Variants in REEP1 observed in about 807,000 individuals in gnomAD.
The protein encoded by REEP1 is receptor accessory protein 1.
In REEP1, 22 loss-of-function variants were observed where a neutral mutation model predicts 40.3. That is an observed-to-expected ratio of 0.55 (90% CI 0.39 to 0.78). REEP1 has a LOEUF of 0.78. Among genes scored for constraint, REEP1 ranks in the 30% least tolerant of loss-of-function variants. The probability of loss-of-function intolerance (pLI) is 0.00; values close to 1 mark genes in which losing one functional copy is unlikely to be tolerated. For synonymous variants in REEP1, 116 were observed against 139.2 expected, an observed-to-expected ratio of 0.83 and a Z score of 1.17; for missense variants, 280 against 361.1, an observed-to-expected ratio of 0.78 and a Z score of 1.82.
At chr2:86,254,491 CAAAT>C (rs1676441521) in intron 4 of REEP1, among the ~76,000 whole-genome samples, 199 bp downstream of exon 4, 1 of 152,036 alleles carries the variant, frequency 6.6e-6, no homozygotes. Flanking sequence ...TAAATAATGA[CAAAT>C]AACATCTTTT....
intron 1 of REEP1, among the ~76,000 whole-genome samples, chr2:86,330,348 T>C (rs1402458071): frequency 6.6e-6 from 1 of 151,988 alleles, no homozygotes; most frequent in African/African-American, 2.4e-5. Context: ...AGAAATGGCA[T>C]GTTATCATCT....
At chr2:86,279,281 G>A (rs1245166697) in intron 2 of REEP1, among the ~76,000 whole-genome samples, 2 of 152,248 alleles carry the variant, frequency 1.3e-5, no homozygotes, top group Non-Finnish European at 2.9e-5. Context: ...CGACTGGGAA[G>A]TAGGGAAGAG....
rs1359123657 is a variant in REEP1, at chr2:86,337,610, G to A, written c.-100C>T. 2.6e-6 allele frequency: 3 copies of A among 1,132,718 alleles called. No homozygotes were observed. The highest frequency in any genetic ancestry group is 3.2e-6 in the Non-Finnish European group (3 of 924,954). The allele number at this position is 1,132,718 out of a possible 1,614,324, so 70.2% of individuals were successfully genotyped here. On this transcript the variant is annotated 5_prime_UTR_variant, in exon 1 of 9. Coordinates refer to ENST00000538924, the MANE Select transcript of REEP1 (RefSeq NM_001371279.1). The surrounding 1 kb of genome is among the most constrained non-coding windows in gnomAD (Gnocchi z 5.8). ...TTCCCGGAACGTCAGTCAGCTCACG[G>A]CAGCCGCCGCCAGACTGAGCGCGCC...
At chr2:86,232,516 C>T in intron 6 of REEP1, 109 bp downstream of exon 6, 1 of 1,320,002 alleles carries the variant, frequency 7.6e-7, no homozygotes, top group Non-Finnish European at 1.1e-6. Context: ...CCGTTGGTGG[C>T]AGGTCCGTGG....
intron 2 of REEP1, among the ~76,000 whole-genome samples, chr2:86,270,335 T>G (rs1410465532): frequency 6.6e-6 from 1 of 152,154 alleles, no homozygotes; most frequent in Non-Finnish European, 1.5e-5. Context: ...TAGCTGGGAC[T>G]ACAGGCATGC....
At chr2:86,328,548 G>A (rs908430161) in intron 1 of REEP1, among the ~76,000 whole-genome samples, 12 of 152,210 alleles carry the variant, frequency 7.9e-5, no homozygotes, top group African/African-American at 2.2e-4. Context: ...GCGTGGTGGC[G>A]GGCACCTGTA....
chr2:86,291,366 A>G (rs1489398445), intron 1 of REEP1, among the ~76,000 whole-genome samples: 1 of 152,234 alleles, frequency 6.6e-6, no homozygotes, highest in East Asian at 1.9e-4. Flanking sequence ...AACTGTTCAC[A>G]TAAACGAGGT....
chr2:86,281,030 C>T (rs146693609), intron 2 of REEP1, among the ~76,000 whole-genome samples: 6 of 152,324 alleles, frequency 3.9e-5, no homozygotes, highest in Admixed American at 6.5e-5. Flanking sequence ...CTTAGACCAG[C>T]ACTGCATCAT....
chr2:86,272,941 G>A (rs551551975), intron 2 of REEP1, among the ~76,000 whole-genome samples: 11 of 152,130 alleles, frequency 7.2e-5, no homozygotes, highest in Admixed American at 3.9e-4. Context: ...TGGGAAATGC[G>A]GTGAAACCCC....
At chr2:86,291,294 G>A (rs950389066) in intron 1 of REEP1, among the ~76,000 whole-genome samples, 2 of 152,092 alleles carry the variant, frequency 1.3e-5, no homozygotes, top group Non-Finnish European at 2.9e-5. Flanking sequence ...TTCCACTCTG[G>A]CCCTGAATTA....
chr2:86,273,550 T>C (rs1307284839), intron 2 of REEP1, among the ~76,000 whole-genome samples: 2 of 152,012 alleles, frequency 1.3e-5, no homozygotes, highest in Non-Finnish European at 2.9e-5. Context: ...TCTCCCAAAG[T>C]GCTGGGATTA....
rs180874308 is a variant in REEP1, at chr2:86,226,509, A to T, written c.631+854T>A. ...TTTTGAGACAGGGTCTTGCTCTGTC[A>T]CCCAGCTTGAGTGCAATGGCACGAT... On this transcript the variant is annotated intron_variant, in intron 7 of 8. Coordinates refer to ENST00000538924, the MANE Select transcript of REEP1 (RefSeq NM_001371279.1). Among the ~76,000 whole-genome samples the T allele has an allele frequency of 3.2e-3, 423 of 133,596 alleles. 2 individuals carry two copies. The highest frequency in any genetic ancestry group is 0.016 in the Middle Eastern group (4 of 256). The allele number at this position is 133,596 out of a possible 152,430, so 87.6% of individuals were successfully genotyped here. A position where few individuals can be genotyped will look rare whatever the true frequency, so the allele number is the denominator to read the frequency against.
chr2:86,282,303 G>A (rs908075366), intron 1 of REEP1, 61 bp from the exon 2 acceptor site: 22 of 1,296,492 alleles, frequency 1.7e-5, no homozygotes, highest in Non-Finnish European at 2.1e-5. Flanking sequence ...AATGGAAAAT[G>A]TCTGTCTTCA....
intron 3 of REEP1, chr2:86,255,025 G>A (rs1031773295): frequency 1.8e-5 from 9 of 498,108 alleles, no homozygotes; most frequent in East Asian, 1.0e-4. Flanking sequence ...AAACCAGTTC[G>A]TGTTTTCTTT....
At chr2:86,286,515 T>G (rs148120952) in intron 1 of REEP1, among the ~76,000 whole-genome samples, 1 of 152,288 alleles carries the variant, frequency 6.6e-6, no homozygotes, top group East Asian at 1.9e-4. Context: ...CCATCAAGGG[T>G]CATTTTTTGA....
At chr2:86,319,456 TCAC>T (rs1391235197) in intron 1 of REEP1, among the ~76,000 whole-genome samples, 6 of 143,154 alleles carry the variant, frequency 4.2e-5, no homozygotes, top group African/African-American at 1.6e-4. Context: ...AGTGGCTCAC[TCAC>T]GCCTGTACCC....
chr2:86,240,303 G>A (rs1675604541), intron 5 of REEP1, among the ~76,000 whole-genome samples: 1 of 152,214 alleles, frequency 6.6e-6, no homozygotes, highest in South Asian at 2.1e-4. Context: ...TCACAGTCTA[G>A]TTGGGGCATC....
intron 1 of REEP1, among the ~76,000 whole-genome samples, chr2:86,285,586 C>T (rs542033512): frequency 1.3e-5 from 2 of 152,292 alleles, no homozygotes; most frequent in East Asian, 1.9e-4. Context: ...CAAGGAGACA[C>T]ATCAGCCAGG....
intron 7 of REEP1, chr2:86,223,825 G>A (rs1256418237): frequency 6.6e-6 from 1 of 152,076 alleles, no homozygotes; most frequent in Non-Finnish European, 1.5e-5. Context: ...TTTAAAAGGG[G>A]GGGAGGGACA....
Sources: gnomAD v4.1 joint callset for allele counts (sites outside exome capture counted in the v4.1 genomes callset) on GRCh38, gnomAD v4.1.1 for gene constraint, Gnocchi (gnomAD v3.1) non-coding constraint, MANE v1.5 for transcripts, NCBI Gene and HGNC (gene_info 2026-07-23, HGNC 2026-07-21) for gene names.